Variants in FBLN2 observed in about 807,000 individuals in gnomAD.
The protein encoded by FBLN2 is fibulin 2, also known as fibulin-2.
In FBLN2, 81 loss-of-function variants were observed where a neutral mutation model predicts 123.7. The ratio of observed to expected loss-of-function variants is 0.65; its 90% CI spans 0.55 to 0.79. FBLN2 has a LOEUF of 0.79. Ranked by LOEUF, FBLN2 falls within the 30% of genes least tolerant of loss-of-function variation. The pLI is 0.00. For synonymous variants in FBLN2, 699 were observed against 701.4 expected, an observed-to-expected ratio of 1.00 and a Z score of 0.05; for missense variants, 1,603 against 1,681.3, an observed-to-expected ratio of 0.95 and a Z score of 0.81.
chr3:13,550,223 T>C (rs1203755978), intron 1 of FBLN2, among the ~76,000 whole-genome samples: 2 of 152,142 alleles, frequency 1.3e-5, no homozygotes, highest in East Asian at 3.9e-4. Context: ...AGGTGGTTCC[T>C]CCTGACAGAG....
chr3:13,549,760 C>T lies in FBLN2; in HGVS notation c.-42+552C>T, dbSNP rs186579785. 1.4e-4 allele frequency among the ~76,000 whole-genome samples: 22 copies of T among 152,152 alleles called. 1 individual carries two copies. Among genetic ancestry groups the T allele is most frequent in the Admixed American group, 1.4e-3 (22 of 15,294 alleles). ...TGCACGCTCTGCATTGGCGCGCCCA[C>T]CCTGCCTGTCACCACATCCTCCCTC... On this transcript the variant is annotated intron_variant, in intron 1 of 17. Transcript: ENST00000404922.
At chr3:13,563,471 C>A (rs915839341) in intron 1 of FBLN2, among the ~76,000 whole-genome samples, 9 of 152,246 alleles carry the variant, frequency 5.9e-5, no homozygotes, top group East Asian at 1.9e-4. Context: ...GGGTGCCCCC[C>A]ACACTGCATG....
At chr3:13,619,288 T>G (rs1705758947) in intron 7 of FBLN2, among the ~76,000 whole-genome samples, 1 of 152,174 alleles carries the variant, frequency 6.6e-6, no homozygotes, top group African/African-American at 2.4e-5. Context: ...TCTTGTAACG[T>G]TGAGGTAGTC....
intron 9 of FBLN2, among the ~76,000 whole-genome samples, chr3:13,622,154 A>G (rs772745205): frequency 6.6e-6 from 1 of 152,090 alleles, no homozygotes; most frequent in Non-Finnish European, 1.5e-5. Flanking sequence ...AGGGAACTGG[A>G]TGTGTGGCCT....
intron 6 of FBLN2, 111 bp from the exon 7 acceptor site, chr3:13,618,793 G>C (rs1705727044): frequency 4.2e-6 from 3 of 709,854 alleles, no homozygotes; most frequent in Non-Finnish European, 7.3e-6. Context: ...ATGGGGTGGG[G>C]GATTAAATGT....
chr3:13,577,775 C>T (rs759520324), intron 2 of FBLN2, among the ~76,000 whole-genome samples: 10 of 152,216 alleles, frequency 6.6e-5, no homozygotes, highest in African/African-American at 2.4e-4. Flanking sequence ...TTGCTGCAGT[C>T]CCCTCCAGGC....
At position 13,599,814 on chromosome 3, in the gene FBLN2, C is replaced by T. The variant is rs142022531; in HGVS notation, c.1307-8248C>T. Among the ~76,000 whole-genome samples, 17 of 150,024 alleles carry T rather than the reference C, an allele frequency of 1.1e-4. No homozygotes were observed. In the East Asian group the frequency reaches 3.2e-3, roughly 28 times the overall value. ...AAATCCGGAGCTGAGCAAATTCCAG[C>T]TGGGGAAGTGCCAGGGAGACATCTG... On this transcript the variant is annotated intron_variant, in intron 2 of 17. Transcript: ENST00000404922.
intron 16 of FBLN2, among the ~76,000 whole-genome samples, chr3:13,634,392 C>T (rs928329600): frequency 2.6e-5 from 4 of 152,264 alleles, no homozygotes; most frequent in South Asian, 4.1e-4. Flanking sequence ...CCGCCTCCCG[C>T]GAGCTTGGTG....
intron 2 of FBLN2, 66 bp downstream of exon 2, chr3:13,571,727 C>A: frequency 1.4e-6 from 2 of 1,460,564 alleles, no homozygotes; most frequent in Non-Finnish European, 1.8e-6. Flanking sequence ...GCTCTGGCCG[C>A]TGCCCCAGGT....
intron 1 of FBLN2, chr3:13,568,888 A>T: frequency 1.0e-6 from 1 of 985,452 alleles, no homozygotes; most frequent in African/African-American, 1.7e-5. Flanking sequence ...TGGCTGATAA[A>T]CCCCTGGTTC....
intron 4 of FBLN2, among the ~76,000 whole-genome samples, chr3:13,612,745 G>T (rs1705448876): frequency 6.6e-6 from 1 of 152,092 alleles, no homozygotes; most frequent in Admixed American, 6.5e-5. Context: ...ATGTCTTTTT[G>T]GGTGGTTGTG....
chr3:13,553,938 C>A (rs111538395), intron 1 of FBLN2, among the ~76,000 whole-genome samples: 6,192 of 152,334 alleles, frequency 0.041, 170 homozygotes, highest in Middle Eastern at 0.061. Context: ...CATTGTTGCC[C>A]AGGAAGAGCC....
chr3:13,593,955 G>A (rs1704760727), intron 2 of FBLN2, among the ~76,000 whole-genome samples: 1 of 152,176 alleles, frequency 6.6e-6, no homozygotes, highest in Non-Finnish European at 1.5e-5. Flanking sequence ...CCCTGACACT[G>A]CAAGCTTTTA....
At chr3:13,617,143 A>AATCCATCCATCCATCC (rs779072153) in intron 5 of FBLN2, among the ~76,000 whole-genome samples, 1 of 134,538 alleles carries the variant, frequency 7.4e-6, no homozygotes, top group African/African-American at 3.7e-5. Context: ...TCCATTCATC[A>AATCCATCCATCCATCC]ATCCATCCAT....
chr3:13,575,319 G>A (rs1385853426), intron 2 of FBLN2, among the ~76,000 whole-genome samples: 1 of 152,030 alleles, frequency 6.6e-6, no homozygotes, highest in Non-Finnish European at 1.5e-5. Context: ...GGTGAGAGTT[G>A]GGGTGCGGCT....
intron 4 of FBLN2, among the ~76,000 whole-genome samples, chr3:13,611,224 G>A (rs917324084): frequency 2.0e-5 from 3 of 152,192 alleles, no homozygotes; most frequent in African/African-American, 7.2e-5. Flanking sequence ...TGGGATTACA[G>A]GCATGAGCCA....
chr3:13,619,734 T>G lies in FBLN2; in HGVS notation c.2058T>G (p.Asn686Lys). The change falls in exon 8 of 18, where the codon AAT becomes AAG. Residue 686 changes from asparagine to lysine, a missense_variant. By Grantham distance (94) the Asn-to-Lys change is moderately conservative. Coordinates refer to ENST00000404922, the MANE Select transcript of FBLN2 (RefSeq NM_001004019.2). The part of the protein sequence containing the change: ...PLPQPNTCKD[N>K]GPCKQVCSTV... ...TTTCTGTGTGGTTTCCTCCAGACAA[T>G]GGACCCTGCAAGCAGGTGTGCAGCA... is the stretch of plus-strand genomic sequence containing the variant. The G allele has an allele frequency of 6.2e-7, 1 of 1,613,174 alleles. No homozygotes were observed. Among genetic ancestry groups the G allele is most frequent in the East Asian group, 2.2e-5 (1 of 44,856 alleles).
chr3:13,552,257 T>C (rs1250726125), intron 1 of FBLN2, among the ~76,000 whole-genome samples: 1 of 151,888 alleles, frequency 6.6e-6, no homozygotes, highest in East Asian at 1.9e-4. Flanking sequence ...GTGAGAGAAG[T>C]TGGGGCTTGG....
chr3:13,634,183 T>A (rs963210609), intron 16 of FBLN2, among the ~76,000 whole-genome samples: 1 of 152,166 alleles, frequency 6.6e-6, no homozygotes, highest in Non-Finnish European at 1.5e-5. Context: ...TTTGCAGGAC[T>A]CCCCTGTTTC....
Sources: gnomAD v4.1 joint callset for allele counts (sites outside exome capture counted in the v4.1 genomes callset) on GRCh38, gnomAD v4.1.1 for gene constraint, MANE v1.5 for transcripts, NCBI Gene and HGNC (gene_info 2026-07-23, HGNC 2026-07-21) for gene names.